GABRG2: variants seen among roughly 807,000 people sequenced by gnomAD.
GABRG2 encodes gamma-aminobutyric acid type A receptor subunit gamma2.
GABRG2 carries 16 observed loss-of-function variants against 56.4 expected under a neutral mutation model. The ratio of observed to expected loss-of-function variants is 0.28; its 90% CI spans 0.19 to 0.43. The LOEUF is 0.43. GABRG2 is among the 20% of genes least tolerant of loss of function. The probability of loss-of-function intolerance (pLI) is 1.00; values close to 1 mark genes in which losing one functional copy is unlikely to be tolerated. For synonymous variants in GABRG2, 208 were observed against 205.5 expected (o/e 1.01, Z -0.10); for missense variants, 327 against 582.7 (o/e 0.56, Z 4.52).
intron 8 of GABRG2, 101 bp from the exon 9 acceptor site, chr5:162,151,629 A>G (rs1179999916): frequency 1.9e-6 from 2 of 1,034,402 alleles, no homozygotes; most frequent in Non-Finnish European, 2.9e-6. Context: ...TGTTTTCAAA[A>G]TGTATTTTTA....
rs1765478020 is a variant in GABRG2, at chr5:162,152,935, T to C, written c.1153-158T>C. On this transcript the variant is annotated intron_variant, in intron 9 of 9. Transcript: ENST00000639213. ...TTGAAATCTGCAAATGTGCTATCTT[T>C]CTAAGTTCAATTTTACCATTGTAGA... 9.1e-6 allele frequency: 8 copies of C among 875,622 alleles called. No homozygotes were observed. The South Asian group carries it at 1.2e-4, about 13-fold the overall frequency. The allele number at this position is 875,622 out of a possible 1,614,324, so 54.2% of individuals were successfully genotyped here. A position where few individuals can be genotyped will look rare whatever the true frequency, so the allele number is the denominator to read the frequency against.
rs201327868 is a variant in GABRG2, at chr5:162,087,600, A to T, written c.108-6228A>T. The stretch of plus-strand genomic sequence containing the variant: ...ACCACATAGATACTTCTTTGGGTTG[A>T]AGTCAATGCCATGGAGGATAGAAGA... On this transcript the variant is annotated intron_variant, in intron 1 of 9. Transcript: ENST00000639213. Among the ~76,000 whole-genome samples, 3 of 152,214 alleles carry T rather than the reference A, an allele frequency of 2.0e-5. No homozygotes were observed. The East Asian group carries it at 5.8e-4, about 29-fold the overall frequency.
chr5:162,141,403 A>G (rs929383050), intron 6 of GABRG2, among the ~76,000 whole-genome samples: 9 of 152,324 alleles, frequency 5.9e-5, no homozygotes, highest in Non-Finnish European at 1.3e-4. Context: ...TTTTATGTGT[A>G]CGATTTACAA....
At chr5:162,125,989 G>A (rs1447984730) in intron 6 of GABRG2, among the ~76,000 whole-genome samples, 3 of 151,992 alleles carry the variant, frequency 2.0e-5, no homozygotes, top group Non-Finnish European at 4.4e-5. Flanking sequence ...AATGTCTTGA[G>A]TATGCCATTG....
At chr5:162,080,936 C>A (rs1759609650) in intron 1 of GABRG2, among the ~76,000 whole-genome samples, 1 of 152,038 alleles carries the variant, frequency 6.6e-6, no homozygotes, top group Admixed American at 6.6e-5. Flanking sequence ...TTTGTTTTTA[C>A]AGAGCTAAAT....
At chr5:162,111,639 T>C (rs1234371683) in intron 6 of GABRG2, among the ~76,000 whole-genome samples, 1 of 152,134 alleles carries the variant, frequency 6.6e-6, no homozygotes, top group Non-Finnish European at 1.5e-5. Context: ...CACAATGGTA[T>C]TTTATTTCTC....
rs192905952 is a variant in GABRG2, at chr5:162,070,002, A to G, written c.107+1896A>G. Reference sequence around the variant, plus strand: ...AGTTGTCTAACTTAATAGATAAAATATTATGTATTTTCTCTCCAGTAACCC... The same window carrying G: ...AGTTGTCTAACTTAATAGATAAAATGTTATGTATTTTCTCTCCAGTAACCC... On this transcript the variant is annotated intron_variant, in intron 1 of 9. Transcript: ENST00000639213. Among the ~76,000 whole-genome samples, 8 of 152,244 alleles carry G rather than the reference A, an allele frequency of 5.3e-5. No individual in the cohort carries two copies. The East Asian group carries it at 1.5e-3, about 29-fold the overall frequency.
intron 6 of GABRG2, among the ~76,000 whole-genome samples, chr5:162,109,299 AGTT>A (rs1304994716): frequency 1.3e-5 from 2 of 150,926 alleles, no homozygotes; most frequent in East Asian, 3.9e-4. Context: ...GTAAATGACG[AGTT>A]AATGGGTGCA....
At chr5:162,067,605 TAAA>T (rs1477968383), upstream of GABRG2, 3 of 458,608 alleles carry the variant, frequency 6.5e-6, no homozygotes, top group East Asian at 9.5e-5. Flanking sequence ...AACAAACAAA[TAAA>T]TAACCCCAAA....
At chr5:162,149,585 T>C (rs1261230211) in intron 8 of GABRG2, 3 of 752,304 alleles carry the variant, frequency 4.0e-6, no homozygotes, top group South Asian at 1.4e-5. Context: ...TTTTGAGAAA[T>C]GTGACCTTCT....
intron 6 of GABRG2, among the ~76,000 whole-genome samples, chr5:162,128,962 T>G (rs1763530380): frequency 6.6e-6 from 1 of 152,014 alleles, no homozygotes; most frequent in African/African-American, 2.4e-5. Context: ...CTGGATTAGG[T>G]GATCCTTGAT....
At chr5:162,077,073 CTGTGTGTGTGTGTGTGTGTGTG>C (rs55938019) in intron 1 of GABRG2, among the ~76,000 whole-genome samples, 2 of 146,634 alleles carry the variant, frequency 1.4e-5, no homozygotes, top group Admixed American at 6.9e-5. Context: ...ACAACTACCC[CTGTGTGTGTGTGTGTGTGTGTG>C]TGTGTGTGTG....
intron 6 of GABRG2, among the ~76,000 whole-genome samples, chr5:162,112,371 TAATA>T (rs2113427757): frequency 1.3e-5 from 2 of 151,418 alleles, no homozygotes; most frequent in South Asian, 4.2e-4. Flanking sequence ...AATAGATCTC[TAATA>T]AACAGCTACT....
intron 6 of GABRG2, among the ~76,000 whole-genome samples, chr5:162,112,887 T>C (rs1010585186): frequency 2.6e-5 from 4 of 152,194 alleles, no homozygotes; most frequent in African/African-American, 9.6e-5. Flanking sequence ...GAAAAAGGAT[T>C]GACCAATATG....
chr5:162,155,449 A>C lies in GABRG2; in HGVS notation c.*2081A>C, dbSNP rs1472548682. Reference sequence around the variant, plus strand: ...ACTTATTATAAGCTGCTCCCTGTCTATGTATTTGGAAACCTTTTCACAAAG... The same window carrying C: ...ACTTATTATAAGCTGCTCCCTGTCTCTGTATTTGGAAACCTTTTCACAAAG... On this transcript the variant is annotated 3_prime_UTR_variant, in exon 10 of 10. Transcript: ENST00000639213. 6.6e-6 allele frequency: 1 copy of C among 151,862 alleles called. No individual in the cohort carries two copies. Among genetic ancestry groups the C allele is most frequent in the Admixed American group, 6.6e-5 (1 of 15,164 alleles). 9.4% of individuals were successfully genotyped at this position (151,862 alleles called of 1,614,324 possible). A position where few individuals can be genotyped will look rare whatever the true frequency, so the allele number is the denominator to read the frequency against.
intron 6 of GABRG2, among the ~76,000 whole-genome samples, chr5:162,126,528 A>G (rs1008053529): frequency 6.6e-6 from 1 of 152,016 alleles, no homozygotes; most frequent in Non-Finnish European, 1.5e-5. Context: ...TTATCCCAGC[A>G]TGAGGTTTCC....
At chr5:162,097,944 A>T in intron 4 of GABRG2, 86 bp downstream of exon 4, 1 of 1,150,646 alleles carries the variant, frequency 8.7e-7, no homozygotes, top group African/African-American at 1.6e-5. Flanking sequence ...AAAAGAAAAA[A>T]AAAAAAGGAA....
At chr5:162,096,640 TCA>T (rs1761015839) in intron 3 of GABRG2, among the ~76,000 whole-genome samples, 1 of 151,950 alleles carries the variant, frequency 6.6e-6, no homozygotes, top group African/African-American at 2.4e-5. Context: ...ATGTAGCTAA[TCA>T]CAGTGACACC....
chr5:162,146,274 G>A (rs1419585103), intron 7 of GABRG2, among the ~76,000 whole-genome samples: 2 of 152,068 alleles, frequency 1.3e-5, no homozygotes, highest in African/African-American at 4.8e-5. Context: ...AGCATTTGAA[G>A]TCGGGCTGCC....
Sources: allele counts gnomAD v4.1 joint callset (sites outside exome capture counted in the v4.1 genomes callset), GRCh38; gene constraint gnomAD v4.1.1; transcripts MANE v1.5; gene names NCBI Gene and HGNC (gene_info 2026-07-23, HGNC 2026-07-21).